Variants in ZNF143 observed in about 807,000 individuals in gnomAD.
ZNF143 encodes SPH-binding factor.
Under a neutral mutation model 74.1 loss-of-function variants are expected in ZNF143, and 49 were observed. The observed-to-expected ratio is 0.66, with a 90% CI of 0.53 to 0.84. The LOEUF (loss-of-function observed/expected upper bound fraction) is 0.84, where lower values mean the gene tolerates loss of function less well. Ranked by LOEUF, ZNF143 falls within the 40% of genes least tolerant of loss-of-function variation. The probability of loss-of-function intolerance (pLI) is 0.00; values close to 1 mark genes in which losing one functional copy is unlikely to be tolerated. For missense variants in ZNF143, 637 were observed against 793.4 expected (o/e 0.80, Z 2.37); for synonymous variants, 304 against 282.8 (o/e 1.07, Z -0.75).
intron 10 of ZNF143, 42 bp from the exon 11 acceptor site, chr11:9,501,049 A>C: frequency 6.2e-7 from 1 of 1,605,456 alleles, no homozygotes; most frequent in Non-Finnish European, 8.5e-7. Context: ...AATCCTCTAT[A>C]TATTTTTGCA....
At chr11:9,510,313 A>G (rs1420634705) in intron 12 of ZNF143, among the ~76,000 whole-genome samples, 1 of 151,654 alleles carries the variant, frequency 6.6e-6, no homozygotes, top group African/African-American at 2.4e-5. Flanking sequence ...TTTAATAGAG[A>G]CGGGGTTTCA....
chr11:9,511,901 G>T (rs1411235684), intron 12 of ZNF143, among the ~76,000 whole-genome samples: 2 of 151,450 alleles, frequency 1.3e-5, no homozygotes, highest in African/African-American at 2.4e-5. Context: ...ACAGGCGCCC[G>T]CCACCATGAC....
At chr11:9,525,553 G>A in intron 15 of ZNF143, 167 bp downstream of exon 15, 2 of 880,510 alleles carry the variant, frequency 2.3e-6, no homozygotes, top group South Asian at 2.9e-5. Flanking sequence ...GACTCAAAAA[G>A]ACCAGCACTT....
chr11:9,513,355 C>T (rs1848618145), intron 13 of ZNF143, among the ~76,000 whole-genome samples: 2 of 152,214 alleles, frequency 1.3e-5, no homozygotes, highest in African/African-American at 4.8e-5. Flanking sequence ...TTATCTCCTT[C>T]CTCACTTTGA....
At chr11:9,522,787 C>A (rs1384276953) in intron 14 of ZNF143, among the ~76,000 whole-genome samples, 1 of 151,778 alleles carries the variant, frequency 6.6e-6, no homozygotes, top group African/African-American at 2.4e-5. Flanking sequence ...AGCCACCACA[C>A]CTGGCCTATT....
intron 15 of ZNF143, 157 bp downstream of exon 15, chr11:9,525,543 G>C: frequency 1.1e-6 from 1 of 929,152 alleles, no homozygotes; most frequent in Non-Finnish European, 1.7e-6. Flanking sequence ...ATTTGAGGTG[G>C]ACTCAAAAAG....
Position 9,472,677 on chromosome 11 carries a change from A to G in ZNF143, c.113A>G (p.Asp38Gly). 6.2e-7 allele frequency: 1 copy of G among 1,609,524 alleles called. No homozygotes were observed. The highest frequency in any genetic ancestry group is 8.5e-7 in the Non-Finnish European group (1 of 1,178,616). Reference sequence around the variant, plus strand: ...GAAAATATTGATTTTTTTGTAATAGATGGTGACAACTTAGAAAATATGGAA... The same window carrying G: ...GAAAATATTGATTTTTTTGTAATAGGTGGTGACAACTTAGAAAATATGGAA... ...LCLTEAVTVADGDNLENMEGV... is the reference protein window; with the variant it reads ...LCLTEAVTVAGGDNLENMEGV... The change falls in exon 3 of 16, where the codon GAT becomes GGT. Residue 38 changes from aspartate (D) to glycine (G), a missense_variant and splice_region_variant. Around this residue, in one of 2 missense-constraint regions of ZNF143, gnomAD observed 293 missense variants for 307.8 expected, o/e 0.95. Transcript: ENST00000396602.
At chr11:9,474,700 G>T in intron 5 of ZNF143, 67 bp downstream of exon 5, 1 of 1,402,112 alleles carries the variant, frequency 7.1e-7, no homozygotes, top group South Asian at 1.2e-5. Flanking sequence ...AAGAAGACCT[G>T]TGTTTAGCTT....
intron 5 of ZNF143, among the ~76,000 whole-genome samples, chr11:9,477,148 TTCCTTCC>T (rs1281556965): frequency 7.7e-6 from 1 of 129,536 alleles, no homozygotes. Context: ...CCTTCCTTCC[TTCCTTCC>T]TTCCTTCCTT....
chr11:9,526,787 A>G (rs1022030662), intron 15 of ZNF143, among the ~76,000 whole-genome samples: 1 of 152,112 alleles, frequency 6.6e-6, no homozygotes, highest in African/African-American at 2.4e-5. Flanking sequence ...CAGGCCAGGC[A>G]CGGCAGGCTG....
chr11:9,480,413 T>TTCA (rs1484815191), intron 7 of ZNF143, among the ~76,000 whole-genome samples: 1 of 152,148 alleles, frequency 6.6e-6, no homozygotes, highest in Non-Finnish European at 1.5e-5. Flanking sequence ...TTTTTCATTC[T>TTCA]TCAGAGTTTT....
At position 9,525,347 on chromosome 11, in the gene ZNF143, C is replaced by T. The variant is rs556221776; in HGVS notation, c.1794C>T (p.Thr598=). 1 of 1,614,186 alleles carries T rather than the reference C, an allele frequency of 6.2e-7. No individual in the cohort carries two copies. The highest frequency in any genetic ancestry group is 1.1e-5 in the South Asian group (1 of 91,078). ...TAACCACAGAAACCAGACCTCTGAC[C>T]TTAGTAGCAACATCCAATGGCACCC... ...HLVTTETRPL[T]LVATSNGTQI... Residue 598 remains threonine (T), a synonymous_variant, in exon 15 of 16, where the codon ACC becomes ACT. Transcript: ENST00000396602.
At position 9,524,441 on chromosome 11, in the gene ZNF143, A is replaced by G. The variant is rs562562251; in HGVS notation, c.1687-799A>G. Among the ~76,000 whole-genome samples, 10 of 152,344 alleles carry G rather than the reference A, an allele frequency of 6.6e-5. No homozygotes were observed. The South Asian group carries it at 1.2e-3, about 19-fold the overall frequency. ...TGAAATCTGTTTTTCTTATAGAATTAGGGAACATTATTGGGATTGATCCAA... is the reference window on the plus strand; with the variant it reads ...TGAAATCTGTTTTTCTTATAGAATTGGGGAACATTATTGGGATTGATCCAA... On this transcript the variant is annotated intron_variant, in intron 14 of 15. Transcript: ENST00000396602.
At chr11:9,501,316 T>C in intron 11 of ZNF143, 46 bp downstream of exon 11, 1 of 1,592,316 alleles carries the variant, frequency 6.3e-7, no homozygotes, top group East Asian at 2.2e-5. Context: ...AAGGCTCAGT[T>C]TAACTCCTGC....
At chr11:9,480,344 CTT>C (rs1466308840) in intron 7 of ZNF143, among the ~76,000 whole-genome samples, 2 of 152,044 alleles carry the variant, frequency 1.3e-5, no homozygotes, top group Non-Finnish European at 2.9e-5. Context: ...TAATGCTGCT[CTT>C]TATTTTCTCA....
intron 1 of ZNF143, among the ~76,000 whole-genome samples, chr11:9,467,633 G>A (rs1186095575): frequency 6.6e-6 from 1 of 151,970 alleles, no homozygotes; most frequent in Non-Finnish European, 1.5e-5. Context: ...GGATCATGAG[G>A]TCAGGAGTTC....
chr11:9,486,406 A>AAT (rs1165211008), intron 7 of ZNF143, among the ~76,000 whole-genome samples: 3 of 23,530 alleles, frequency 1.3e-4, no homozygotes, highest in Non-Finnish European at 2.1e-4. Flanking sequence ...AATATATTAT[A>AAT]TATATAATAT....
At chr11:9,518,589 TG>T (rs1451966404) in intron 14 of ZNF143, among the ~76,000 whole-genome samples, 1 of 151,980 alleles carries the variant, frequency 6.6e-6, no homozygotes, top group African/African-American at 2.4e-5. Context: ...GGTGGCAGGG[TG>T]CCTGTAATCA....
At chr11:9,507,191 T>C (rs1404902059) in intron 11 of ZNF143, among the ~76,000 whole-genome samples, 1 of 152,096 alleles carries the variant, frequency 6.6e-6, no homozygotes, top group Non-Finnish European at 1.5e-5. Flanking sequence ...TTAGAACCAC[T>C]GCGAAAGGTG....
Sources: gnomAD v4.1 joint callset for allele counts (sites outside exome capture counted in the v4.1 genomes callset) on GRCh38, gnomAD v4.1.1 for gene constraint, gnomAD v4.1.1 regional missense constraint, MANE v1.5 for transcripts, NCBI Gene and HGNC (gene_info 2026-07-23, HGNC 2026-07-21) for gene names.